The following RSBN1L variants were observed in gnomAD, a reference collection of about 807,000 sequenced individuals.
The protein encoded by RSBN1L is round spermatid basic protein 1 like, also known as lysine-specific demethylase RSBN1L.
A neutral mutation model predicts 67.7 loss-of-function variants in RSBN1L; 30 were observed. The ratio of observed to expected loss-of-function variants is 0.44; its 90% CI spans 0.33 to 0.60. The LOEUF (loss-of-function observed/expected upper bound fraction) is 0.60. RSBN1L is among the 20% of genes least tolerant of loss of function. RSBN1L has a pLI of 0.02. For synonymous variants in RSBN1L, 433 were observed against 387.0 expected (o/e 1.12, Z -1.39); for missense variants, 992 against 1,031.7 (o/e 0.96, Z 0.53).
intron 1 of RSBN1L, among the ~76,000 whole-genome samples, chr7:77,709,091 A>G (rs999504754): frequency 6.6e-6 from 1 of 151,952 alleles, no homozygotes; most frequent in African/African-American, 2.4e-5. Flanking sequence ...TAGAACTCAA[A>G]ATTAGTGGTG....
At chr7:77,777,634 C>T (rs1331046027) in intron 6 of RSBN1L, among the ~76,000 whole-genome samples, 1 of 151,856 alleles carries the variant, frequency 6.6e-6, no homozygotes, top group Non-Finnish European at 1.5e-5. Context: ...TTACATGATT[C>T]TCAGATTTTC....
chr7:77,738,062 C>T (rs1791359854), intron 2 of RSBN1L, among the ~76,000 whole-genome samples: 1 of 151,180 alleles, frequency 6.6e-6, no homozygotes, highest in Non-Finnish European at 1.5e-5. Context: ...GTCTACTTAA[C>T]TTTACCCTTG....
intron 3 of RSBN1L, among the ~76,000 whole-genome samples, chr7:77,757,922 G>A (rs1354764859): frequency 1.3e-5 from 2 of 152,044 alleles, no homozygotes; most frequent in African/African-American, 4.8e-5. Flanking sequence ...ACCCAGATTC[G>A]TGTGGAAAAA....
intron 6 of RSBN1L, among the ~76,000 whole-genome samples, chr7:77,776,507 A>G (rs534176390): frequency 2.1e-4 from 32 of 152,244 alleles, no homozygotes; most frequent in Non-Finnish European, 3.8e-4. Flanking sequence ...AACATCTAAT[A>G]TAAATGGAAT....
intron 1 of RSBN1L, among the ~76,000 whole-genome samples, chr7:77,717,828 G>A (rs564863289): frequency 6.6e-6 from 1 of 152,256 alleles, no homozygotes; most frequent in South Asian, 2.1e-4. Flanking sequence ...GACCAGCCTG[G>A]CCAACATGGT....
chr7:77,744,843 T>G (rs1365310411), intron 2 of RSBN1L, among the ~76,000 whole-genome samples: 1 of 152,258 alleles, frequency 6.6e-6, no homozygotes, highest in Non-Finnish European at 1.5e-5. Flanking sequence ...ACTTATGAAT[T>G]ATCACGTCTG....
At chr7:77,774,057 T>C (rs1791880422) in intron 6 of RSBN1L, among the ~76,000 whole-genome samples, 1 of 152,236 alleles carries the variant, frequency 6.6e-6, no homozygotes, top group Admixed American at 6.5e-5. Flanking sequence ...TCTGATTCCA[T>C]ACTCTTCTGT....
intron 2 of RSBN1L, among the ~76,000 whole-genome samples, chr7:77,742,224 G>T (rs1484352754): frequency 9.6e-6 from 1 of 104,530 alleles, no homozygotes; most frequent in African/African-American, 3.8e-5. Flanking sequence ...CACACGGCAA[G>T]AATCCATCTT....
At chr7:77,745,246 A>G (rs1423488967) in intron 2 of RSBN1L, among the ~76,000 whole-genome samples, 1 of 151,804 alleles carries the variant, frequency 6.6e-6, no homozygotes, top group Non-Finnish European at 1.5e-5. Flanking sequence ...GGGAAACAAA[A>G]AGCAAAACTC....
At chr7:77,713,204 C>T (rs1011768678) in intron 1 of RSBN1L, among the ~76,000 whole-genome samples, 4 of 151,774 alleles carry the variant, frequency 2.6e-5, no homozygotes, top group Admixed American at 2.6e-4. Flanking sequence ...GAATATTAGC[C>T]CTTTACTGTT....
intron 1 of RSBN1L, among the ~76,000 whole-genome samples, chr7:77,702,450 G>T (rs1790831085): frequency 6.6e-6 from 1 of 151,890 alleles, no homozygotes; most frequent in African/African-American, 2.4e-5. Flanking sequence ...ATTTCTGTTT[G>T]TTTTGGTTGC....
intron 3 of RSBN1L, among the ~76,000 whole-genome samples, chr7:77,763,187 C>G (rs1430602214): frequency 1.5e-5 from 2 of 136,530 alleles, no homozygotes; most frequent in Non-Finnish European, 3.0e-5. Context: ...CTGTGTTGCT[C>G]AGGCAGATCT....
intron 1 of RSBN1L, among the ~76,000 whole-genome samples, chr7:77,730,152 C>CT (rs1212167934): frequency 2.6e-5 from 4 of 152,054 alleles, no homozygotes; most frequent in African/African-American, 9.7e-5. Flanking sequence ...ATTCCTTTGG[C>CT]TGTTTGGGTT....
At chr7:77,701,014 C>T (rs1010141227) in intron 1 of RSBN1L, among the ~76,000 whole-genome samples, 8 of 151,892 alleles carry the variant, frequency 5.3e-5, no homozygotes, top group East Asian at 1.9e-4. Flanking sequence ...AAAAATTAGC[C>T]GGGTGTGGCG....
At chr7:77,716,187 T>G (rs1248365051) in intron 1 of RSBN1L, among the ~76,000 whole-genome samples, 1 of 152,216 alleles carries the variant, frequency 6.6e-6, no homozygotes, top group Admixed American at 6.5e-5. Flanking sequence ...CACAGGATTT[T>G]CTCTTAGATT....
At chr7:77,767,993 G>C (rs922594365) in intron 4 of RSBN1L, among the ~76,000 whole-genome samples, 3 of 150,398 alleles carry the variant, frequency 2.0e-5, no homozygotes, top group African/African-American at 7.4e-5. Flanking sequence ...TGGGACTACA[G>C]GTGCGCGCCA....
At chr7:77,769,551 G>C (rs553000841) in intron 5 of RSBN1L, among the ~76,000 whole-genome samples, 1 of 152,280 alleles carries the variant, frequency 6.6e-6, no homozygotes, top group African/African-American at 2.4e-5. Flanking sequence ...TTTAAGCCTG[G>C]AGGAGACCTT....
At chr7:77,739,711 GA>G (rs1158112982) in intron 2 of RSBN1L, among the ~76,000 whole-genome samples, 7,206 of 34,310 alleles carry the variant, frequency 0.21, 658 homozygotes, top group African/African-American at 0.35. Flanking sequence ...TTGGTCTCAG[GA>G]AAAAAAAAAA....
intron 1 of RSBN1L, among the ~76,000 whole-genome samples, chr7:77,724,425 CTTTTTTCTTTTTT>C (rs1286960783): frequency 4.1e-5 from 6 of 146,908 alleles, no homozygotes; most frequent in South Asian, 2.2e-4. Flanking sequence ...CTTTCTTTTT[CTTTTTTCTTTTTT>C]TTTTTTTTTG....
Sources: gnomAD v4.1 joint callset for allele counts (sites outside exome capture counted in the v4.1 genomes callset) on GRCh38, gnomAD v4.1.1 for gene constraint, MANE v1.5 for transcripts, NCBI Gene and HGNC (gene_info 2026-07-23, HGNC 2026-07-21) for gene names.